Variants in CHD7 observed in about 807,000 individuals in gnomAD.
CHD7 encodes ATP-dependent chromatin remodeler CHD7.
In CHD7, 24 loss-of-function variants were observed where a neutral mutation model predicts 307.3. The ratio of observed to expected loss-of-function variants is 0.08; its 90% CI spans 0.06 to 0.11. The LOEUF (loss-of-function observed/expected upper bound fraction) is 0.11, where lower values mean the gene tolerates loss of function less well. Among genes scored for constraint, CHD7 ranks in the 10% least tolerant of loss-of-function variants. The pLI, the probability that CHD7 is intolerant of heterozygous loss-of-function variation, is 1.00. For missense variants in CHD7, 3,106 were observed against 3,727.1 expected, an observed-to-expected ratio of 0.83 and a Z score of 4.34; for synonymous variants, 1,363 against 1,349.9, an observed-to-expected ratio of 1.01 and a Z score of -0.21.
intron 1 of CHD7, among the ~76,000 whole-genome samples, chr8:60,715,833 A>G (rs1807570674): frequency 1.3e-5 from 2 of 152,232 alleles, no homozygotes; most frequent in South Asian, 2.1e-4. Context: ...CTTGGGCTAG[A>G]AAATATAGGC....
intron 1 of CHD7, among the ~76,000 whole-genome samples, chr8:60,707,462 A>G (rs1185293093): frequency 6.6e-6 from 1 of 152,172 alleles, no homozygotes. Context: ...ACCAACTTAG[A>G]TGTCTGTCTT....
At chr8:60,817,155 T>C (rs962109493) in intron 8 of CHD7, among the ~76,000 whole-genome samples, 2 of 152,152 alleles carry the variant, frequency 1.3e-5, no homozygotes, top group Admixed American at 6.5e-5. Context: ...CTTACTAGGG[T>C]CTCTGGACTT....
At position 60,851,249 on chromosome 8, in the gene CHD7, CT is replaced by C. The variant is rs1563658277; in HGVS notation, c.5608-10del. 6.4e-7 allele frequency: 1 copy of C among 1,551,274 alleles called. No homozygotes were observed. Among genetic ancestry groups the C allele is most frequent in the Non-Finnish European group, 8.7e-7 (1 of 1,146,068 alleles). ...CAAATTAAAGTAATTCTGTTTCTTGCTTTGCTTTCAAGGAATTTGCAAATTC... is the reference window on the plus strand; with the variant it reads ...CAAATTAAAGTAATTCTGTTTCTTGCTTGCTTTCAAGGAATTTGCAAATTC... On this transcript the variant is annotated splice_polypyrimidine_tract_variant and intron_variant, in intron 27 of 37. Transcript: ENST00000423902.
chr8:60,753,257 G>A (rs1809725385), intron 2 of CHD7, among the ~76,000 whole-genome samples: 1 of 152,198 alleles, frequency 6.6e-6, no homozygotes, highest in South Asian at 2.1e-4. Context: ...AGTGGAACAT[G>A]TCAAGGGAGT....
intron 2 of CHD7, among the ~76,000 whole-genome samples, chr8:60,761,072 G>A (rs1810172345): frequency 1.3e-5 from 2 of 152,044 alleles, no homozygotes; most frequent in African/African-American, 4.8e-5. Context: ...ATTCACAATA[G>A]CAAAGACTTG....
rs75384961 is a variant in CHD7 at position 60,685,894 on chromosome 8, T to C, written c.-175+6812T>C. 2.3e-3 allele frequency among the ~76,000 whole-genome samples: 346 copies of C among 152,256 alleles called. 2 individuals are homozygous for C. The highest frequency in any genetic ancestry group is 7.9e-3 in the African/African-American group (330 of 41,526). ...ATTTTGGAGCTTTTTTAGGGAAGTG[T>C]TTGTATTTTTGTGTTTGCCAGCTAA... On this transcript the variant is annotated intron_variant, in intron 1 of 37. Coordinates refer to ENST00000423902, the MANE Select transcript of CHD7 (RefSeq NM_017780.4).
intron 1 of CHD7, among the ~76,000 whole-genome samples, chr8:60,706,447 A>G (rs887936239): frequency 1.3e-5 from 2 of 152,250 alleles, no homozygotes; most frequent in African/African-American, 4.8e-5. Flanking sequence ...AATAATTTAA[A>G]CAATATCCTG....
At position 60,742,708 on chromosome 8, in the gene CHD7, A is replaced by G. The variant is rs751492707; in HGVS notation, c.1276A>G (p.Ser426Gly). ...TGCTGGGATACCAATGGAAGTTGGC[A>G]GTTATCCAAATATGCCCCATCCTCA... is the stretch of plus-strand genomic sequence containing the variant. ...GSAGIPMEVG[S>G]YPNMPHPQPS... Residue 426 changes from serine to glycine, a missense_variant, in exon 2 of 38, where the codon AGT (serine) becomes GGT (glycine). Ser to Gly is a moderately conservative substitution (Grantham distance 56). This residue lies in a region of CHD7 where 998 missense variants were observed against 1,004.5 expected (regional missense o/e 0.99). Coordinates refer to ENST00000423902, the MANE Select transcript of CHD7 (RefSeq NM_017780.4). 4 of 1,612,812 alleles carry G rather than the reference A, an allele frequency of 2.5e-6. No homozygotes were observed. The Admixed American group carries it at 5.0e-5, about 20-fold the overall frequency.
intron 15 of CHD7, among the ~76,000 whole-genome samples, chr8:60,835,110 A>T (rs1804680457): frequency 6.6e-6 from 1 of 152,230 alleles, no homozygotes; most frequent in African/African-American, 2.4e-5. Context: ...AGCTAAACAC[A>T]ACAGCTATGT....
chr8:60,850,765 T>A (rs1460532336), intron 26 of CHD7, 143 bp downstream of exon 26: 10 of 844,276 alleles, frequency 1.2e-5, no homozygotes, highest in Non-Finnish European at 1.9e-5. Context: ...TCTATTTGTA[T>A]GTCGTAATGA....
At chr8:60,728,858 T>G (rs1808301403) in intron 1 of CHD7, among the ~76,000 whole-genome samples, 1 of 152,194 alleles carries the variant, frequency 6.6e-6, no homozygotes, top group South Asian at 2.1e-4. Flanking sequence ...ATGTGAAGGT[T>G]TGTTACATAG....
intron 2 of CHD7, among the ~76,000 whole-genome samples, chr8:60,766,241 G>A (rs1033581193): frequency 1.3e-5 from 2 of 152,214 alleles, no homozygotes; most frequent in African/African-American, 4.8e-5. Context: ...GTAGAAGGAT[G>A]TGTAGCTTGT....
At chr8:60,850,156 C>T (rs1805388649) in intron 25 of CHD7, among the ~76,000 whole-genome samples, 1 of 152,162 alleles carries the variant, frequency 6.6e-6, no homozygotes, top group South Asian at 2.1e-4. Flanking sequence ...CATAAAGGAA[C>T]ATTGCGAATC....
intron 6 of CHD7, among the ~76,000 whole-genome samples, chr8:60,806,941 C>CT (rs1196638957): frequency 6.6e-6 from 1 of 152,114 alleles, no homozygotes; most frequent in Admixed American, 6.6e-5. Flanking sequence ...AGGAGGATTG[C>CT]TTGAGCCTGG....
chr8:60,842,826 C>T (rs1805031466), intron 21 of CHD7, among the ~76,000 whole-genome samples: 1 of 152,220 alleles, frequency 6.6e-6, no homozygotes, highest in African/African-American at 2.4e-5. Flanking sequence ...CAGAGCTCTT[C>T]TGGGACCTTG....
chr8:60,686,463 C>T (rs1003785759), intron 1 of CHD7, among the ~76,000 whole-genome samples: 1 of 151,884 alleles, frequency 6.6e-6, no homozygotes, highest in Non-Finnish European at 1.5e-5. Flanking sequence ...AATGGAAAGG[C>T]GCATGCAGGC....
At chr8:60,783,742 A>T (rs1473764375) in intron 3 of CHD7, among the ~76,000 whole-genome samples, 1 of 152,146 alleles carries the variant, frequency 6.6e-6, no homozygotes, top group African/African-American at 2.4e-5. Context: ...GAGCTGCTGC[A>T]GTGTGGCCCA....
chr8:60,756,045 G>T lies in CHD7; in HGVS notation c.1665+12948G>T, dbSNP rs1184885710. ...TTGAAATGGGGCTAGTGAGGCTGAA[G>T]AACTGAAATTTTAATTTTATTTGAT... On this transcript the variant is annotated intron_variant, in intron 2 of 37. Transcript: ENST00000423902. Among the ~76,000 whole-genome samples, 4 of 152,184 alleles carry T rather than the reference G, an allele frequency of 2.6e-5. No individual in the cohort carries two copies. The East Asian group carries it at 5.8e-4, about 22-fold the overall frequency.
intron 9 of CHD7, among the ~76,000 whole-genome samples, chr8:60,821,433 T>A (rs2150747623): frequency 6.6e-6 from 1 of 152,196 alleles, no homozygotes; most frequent in South Asian, 2.1e-4. Context: ...CCATAGTTTT[T>A]AAATTTCTGT....
Sources: gnomAD v4.1 joint callset for allele counts (sites outside exome capture counted in the v4.1 genomes callset) on GRCh38, gnomAD v4.1.1 for gene constraint, gnomAD v4.1.1 regional missense constraint, MANE v1.5 for transcripts, NCBI Gene and HGNC (gene_info 2026-07-23, HGNC 2026-07-21) for gene names.